The following REEP4 variants were observed in gnomAD, a reference collection of about 807,000 sequenced individuals.
REEP4 encodes the protein receptor expression-enhancing protein 4.
REEP4 carries 17 observed loss-of-function variants against 33.5 expected under a neutral mutation model. That is an observed-to-expected ratio of 0.51 (90% CI 0.35 to 0.76). The LOEUF (loss-of-function observed/expected upper bound fraction) is 0.76. Ranked by LOEUF, REEP4 falls within the 30% of genes least tolerant of loss-of-function variation. The pLI, the probability that REEP4 is intolerant of heterozygous loss-of-function variation, is 0.01. For synonymous variants in REEP4, 157 were observed against 142.9 expected (o/e 1.10, Z -0.70); for missense variants, 340 against 357.9 (o/e 0.95, Z 0.40).
chr8:22,141,098 T>C (rs1827222915), intron 1 of REEP4, among the ~76,000 whole-genome samples: 1 of 152,250 alleles, frequency 6.6e-6, no homozygotes, highest in Non-Finnish European at 1.5e-5. Context: ...TGGTGAGTCA[T>C]GTGACTGCTC....
Position 22,139,002 on chromosome 8 carries a change from G to C in REEP4, c.477C>G (p.Ile159Met). The change falls in exon 6 of 8, where the codon ATC (isoleucine) becomes ATG (methionine). Residue 159 changes from isoleucine (I) to methionine (M), a missense_variant. By Grantham distance (10) the Ile-to-Met change is conservative (BLOSUM62 1). Coordinates refer to ENST00000306306, the MANE Select transcript of REEP4 (RefSeq NM_025232.4). ...RSFSMQDLRSISDAPAPAYHD... is the reference protein window; with the variant it reads ...RSFSMQDLRSMSDAPAPAYHD... Reference sequence around the variant, plus strand: ...GGTAGGCAGGGGCAGGTGCGTCAGAGATGGAGCGCAGGTCCTGCATGGAGA... The same window carrying C: ...GGTAGGCAGGGGCAGGTGCGTCAGACATGGAGCGCAGGTCCTGCATGGAGA... 1.2e-6 allele frequency: 2 copies of C among 1,607,404 alleles called. No homozygotes were observed. The highest frequency in any genetic ancestry group is 1.7e-6 in the Non-Finnish European group (2 of 1,177,338).
Position 22,138,325 on chromosome 8 carries a change from C to T in REEP4, c.*162G>A. On this transcript the variant is annotated 3_prime_UTR_variant, in exon 8 of 8. Coordinates refer to ENST00000306306, the MANE Select transcript of REEP4 (RefSeq NM_025232.4). The stretch of plus-strand genomic sequence containing the variant: ...ATTGTGGGTGCATCCCTGCATGTGG[C>T]CTTGGCAGCATCTGCTCCCGGCCCT... 1.2e-6 allele frequency: 1 copy of T among 815,146 alleles called. No individual in the cohort carries two copies. Among genetic ancestry groups the T allele is most frequent in the Non-Finnish European group, 2.1e-6 (1 of 486,514 alleles). 50.5% of individuals were successfully genotyped at this position (815,146 alleles called of 1,614,324 possible). A position where few individuals can be genotyped will look rare whatever the true frequency, so the allele number is the denominator to read the frequency against.
chr8:22,138,937 C>A lies in REEP4; in HGVS notation c.542G>T (p.Arg181Met). The A allele has an allele frequency of 6.3e-7, 1 of 1,589,650 alleles. No homozygotes were observed. The highest frequency in any genetic ancestry group is 1.1e-5 in the South Asian group (1 of 87,154). ...LYLEDQVSHR[R>M]PPIGYRAGGL... ...CTCTGCCCGCTCACCAATGGGTGGC[C>A]TCCGGTGGGACACCTGGTCCTCCAG... The change falls in exon 6 of 8, where the codon AGG (arginine) becomes ATG (methionine). Residue 181 changes from arginine to methionine, a missense_variant. Coordinates refer to ENST00000306306, the MANE Select transcript of REEP4 (RefSeq NM_025232.4).
rs767917922 is a variant in REEP4 at position 22,139,192 on chromosome 8, C to T, written c.418-131G>A. On this transcript the variant is annotated intron_variant, in intron 5 of 7. Transcript: ENST00000306306. ...TGGCCCCGCGCCAATGTGGCACCAA[C>T]AGGAAACCAAAGTCAGAGAGCAGGA... The T allele has an allele frequency of 9.2e-6, 12 of 1,298,008 alleles. 1 individual carries two copies. The Admixed American group carries it at 9.9e-5, about 11-fold the overall frequency. The allele number at this position is 1,298,008 out of a possible 1,614,324, so 80.4% of individuals were successfully genotyped here. A position where few individuals can be genotyped will look rare whatever the true frequency, so the allele number is the denominator to read the frequency against.
Position 22,138,324 on chromosome 8 carries a change from G to C in REEP4, c.*163C>G. 1 of 806,070 alleles carries C rather than the reference G, an allele frequency of 1.2e-6. No homozygotes were observed. Among genetic ancestry groups the C allele is most frequent in the Non-Finnish European group, 2.1e-6 (1 of 478,364 alleles). The allele number at this position is 806,070 out of a possible 1,614,324, so 49.9% of individuals were successfully genotyped here. A position where few individuals can be genotyped will look rare whatever the true frequency, so the allele number is the denominator to read the frequency against. On this transcript the variant is annotated 3_prime_UTR_variant, in exon 8 of 8. Transcript: ENST00000306306. ...CATTGTGGGTGCATCCCTGCATGTGGCCTTGGCAGCATCTGCTCCCGGCCC... is the reference window on the plus strand; with the variant it reads ...CATTGTGGGTGCATCCCTGCATGTGCCCTTGGCAGCATCTGCTCCCGGCCC...
intron 1 of REEP4, among the ~76,000 whole-genome samples, chr8:22,141,219 C>T (rs1192149311): frequency 6.6e-6 from 1 of 152,260 alleles, no homozygotes; most frequent in Non-Finnish European, 1.5e-5. Context: ...CATCTGTTTG[C>T]AGTGTGTGTG....
chr8:22,141,425 G>A, intron 1 of REEP4, 26 bp downstream of exon 1: 5 of 1,600,962 alleles, frequency 3.1e-6, no homozygotes, highest in Non-Finnish European at 3.4e-6. Flanking sequence ...CCGGGGTAGA[G>A]GAGGTCTGAG....
intron 7 of REEP4, 29 bp from the exon 8 acceptor site, chr8:22,138,581 G>T (rs777061298): frequency 1.2e-6 from 2 of 1,613,922 alleles, no homozygotes; most frequent in Non-Finnish European, 1.7e-6. Flanking sequence ...CAGCATGAGG[G>T]TGTGGGGAGC....
chr8:22,139,283 A>T, intron 5 of REEP4, 133 bp downstream of exon 5: 1 of 934,346 alleles, frequency 1.1e-6, no homozygotes, highest in Non-Finnish European at 1.7e-6. Context: ...CGCTTCTGCC[A>T]ATACCCCCCC....
intron 4 of REEP4, 194 bp downstream of exon 4, chr8:22,139,768 CA>C: frequency 1.3e-6 from 1 of 771,112 alleles, no homozygotes. Context: ...TTTCCATCCT[CA>C]AAGGTCATTC....
chr8:22,139,638 A>G, intron 4 of REEP4, 109 bp from the exon 5 acceptor site: 1 of 894,618 alleles, frequency 1.1e-6, no homozygotes, highest in Non-Finnish European at 1.7e-6. Context: ...GCCCAGCCCC[A>G]CCTGGTGCCC....
chr8:22,139,180 A>G (rs971845381), intron 5 of REEP4, 119 bp from the exon 6 acceptor site: 1 of 1,383,664 alleles, frequency 7.2e-7, no homozygotes, highest in Admixed American at 2.0e-5. Context: ...CCCCGCGCCA[A>G]TGTGGCACCA....
rs1349571420 is a variant in REEP4, at chr8:22,138,742, G to A, written c.605C>T (p.Ser202Leu). 6.2e-7 allele frequency: 1 copy of A among 1,611,868 alleles called. No homozygotes were observed. Among genetic ancestry groups the A allele is most frequent in the African/African-American group, 1.3e-5 (1 of 74,724 alleles). Reference protein sequence around the residue: ...QDSDTEDECWSDTEAVPRAPA... With the variant: ...QDSDTEDECWLDTEAVPRAPA... ...CGCCCGGGGGACTGCCTCAGTATCT[G>A]ACCAACACTCATCCTCGGTGTCGCT... Residue 202 changes from serine to leucine, a missense_variant, in exon 7 of 8, where the codon TCA (serine) becomes TTA (leucine). Transcript: ENST00000306306.
rs75749782 is a variant in REEP4, at chr8:22,141,886, T to C, written c.-404A>G. The C allele has an allele frequency of 0.015, 3,012 of 200,136 alleles. 84 individuals carry two copies. Among genetic ancestry groups the C allele is most frequent in the African/African-American group, 0.058 (2,512 of 43,208 alleles). 12.4% of individuals were successfully genotyped at this position (200,136 alleles called of 1,614,324 possible). ...TACAGGGCGGAGTTCGCAACTCACT[T>C]GAAAGTTGCACGGAACCGAGTGCTG... On this transcript the variant is annotated 5_prime_UTR_variant, in exon 1 of 8. Coordinates refer to ENST00000306306, the MANE Select transcript of REEP4 (RefSeq NM_025232.4).
At position 22,139,059 on chromosome 8, in the gene REEP4, A is replaced by G. The variant is rs895385229; in HGVS notation, c.420T>C (p.Ser140=). ...GCAGCCTGCCGGCCAGCGCCCCCTG[A>G]CTCTGCGAGGGGGAAGAGGCTTCAG... The part of the protein sequence containing the change: ...ASAAVQAATK[S]QGALAGRLRS... The change falls in exon 6 of 8, where the codon AGT becomes AGC. Residue 140 remains serine, a splice_region_variant and synonymous_variant. Transcript: ENST00000306306. 3.3e-5 allele frequency: 51 copies of G among 1,568,588 alleles called. 1 individual carries two copies. Among genetic ancestry groups the G allele is most frequent in the Non-Finnish European group, 4.4e-5 (51 of 1,158,898 alleles).
Position 22,141,515 on chromosome 8 carries a change from A to G in REEP4, c.-33T>C. ...GCCTTTGGGACGTGGGGAGGACCCCAGGAAGCCGCTCAGAAGGACGTTCAC... is the reference window on the plus strand; with the variant it reads ...GCCTTTGGGACGTGGGGAGGACCCCGGGAAGCCGCTCAGAAGGACGTTCAC... On this transcript the variant is annotated 5_prime_UTR_variant, in exon 1 of 8. Transcript: ENST00000306306. 2.5e-6 allele frequency: 4 copies of G among 1,587,290 alleles called. No individual in the cohort carries two copies. Among genetic ancestry groups the G allele is most frequent in the Non-Finnish European group, 3.4e-6 (4 of 1,167,988 alleles).
chr8:22,138,436 C>A lies in REEP4; in HGVS notation c.*51G>T, dbSNP rs761393853. On this transcript the variant is annotated 3_prime_UTR_variant, in exon 8 of 8. Coordinates refer to ENST00000306306, the MANE Select transcript of REEP4 (RefSeq NM_025232.4). ...TGCAGCCCAAGGTCCCTCCAAATAG[C>A]CCTGGAGCCCTGCAGGGCACGAGGT... is the stretch of plus-strand genomic sequence containing the variant. 6.2e-7 allele frequency: 1 copy of A among 1,600,896 alleles called. No individual in the cohort carries two copies. Among genetic ancestry groups the A allele is most frequent in the Non-Finnish European group, 8.5e-7 (1 of 1,172,390 alleles).
chr8:22,140,508 C>T, intron 2 of REEP4, 117 bp downstream of exon 2: 3 of 954,602 alleles, frequency 3.1e-6, no homozygotes, highest in Non-Finnish European at 4.9e-6. Flanking sequence ...TTCTCTCTCC[C>T]TCCCCACTCC....
In REEP4 at chr8:22,140,024, G is replaced by A; in HGVS notation, c.242C>T (p.Thr81Ile). ...GCGGTAAAGCAGGCTGGCGCCCTTG[G>A]TGTAGGGTGAGAGCAGCCACAGCAC... ...AFVLWLLSPY[T>I]KGASLLYRKF... Residue 81 changes from threonine to isoleucine, a missense_variant, in exon 4 of 8, where the codon ACC becomes ATC. Thr to Ile is a moderately conservative substitution (Grantham distance 89). Transcript: ENST00000306306. The A allele has an allele frequency of 6.2e-7, 1 of 1,607,932 alleles. No homozygotes were observed. The highest frequency in any genetic ancestry group is 1.1e-5 in the South Asian group (1 of 90,226).
Sources: allele counts gnomAD v4.1 joint callset (sites outside exome capture counted in the v4.1 genomes callset), GRCh38; gene constraint gnomAD v4.1.1; transcripts MANE v1.5; gene names NCBI Gene and HGNC (gene_info 2026-07-23, HGNC 2026-07-21).